Variants in GALNT1 observed in about 807,000 individuals in gnomAD.
GALNT1 encodes the protein GalNAc transferase 1.
Under a neutral mutation model 65.7 loss-of-function variants are expected in GALNT1, and 17 were observed. That is an observed-to-expected ratio of 0.26 (90% confidence interval 0.18 to 0.39). The LOEUF is 0.39. Ranked by LOEUF, GALNT1 falls within the 10% of genes least tolerant of loss-of-function variation. The probability of loss-of-function intolerance (pLI) is 1.00; values close to 1 mark genes in which losing one functional copy is unlikely to be tolerated. For synonymous variants in GALNT1, 210 were observed against 219.7 expected, an observed-to-expected ratio of 0.96 and a Z score of 0.39; for missense variants, 460 against 672.8, an observed-to-expected ratio of 0.68 and a Z score of 3.50.
At chr18:35,659,049 T>A (rs1598798018) in intron 2 of GALNT1, among the ~76,000 whole-genome samples, 1 of 152,206 alleles carries the variant, frequency 6.6e-6, no homozygotes, top group Non-Finnish European at 1.5e-5. Context: ...GCCTCCTGGA[T>A]CTTTGTTTTA....
intron 3 of GALNT1, among the ~76,000 whole-genome samples, chr18:35,666,779 A>G (rs2047554906): frequency 6.6e-6 from 1 of 152,182 alleles, no homozygotes; most frequent in Non-Finnish European, 1.5e-5. Context: ...AAGACTCTTC[A>G]GACTTGACGA....
At position 35,609,428 on chromosome 18, in the gene GALNT1, T is replaced by G. The variant is rs569777762; in HGVS notation, c.-104+27566T>G. ...TAGCTTGGCTTTTCAGACCTCATGTTTGAGATGGTGTTTGCTCTTGGATAA... is the reference window on the plus strand; with the variant it reads ...TAGCTTGGCTTTTCAGACCTCATGTGTGAGATGGTGTTTGCTCTTGGATAA... On this transcript the variant is annotated intron_variant, in intron 1 of 11. Coordinates refer to ENST00000269195, the MANE Select transcript of GALNT1 (RefSeq NM_020474.4). 2.0e-5 allele frequency among the ~76,000 whole-genome samples: 3 copies of G among 152,334 alleles called. No homozygotes were observed. In the East Asian group the frequency reaches 5.8e-4, roughly 29 times the overall value.
intron 8 of GALNT1, 100 bp downstream of exon 8, chr18:35,691,292 T>C: frequency 1.0e-6 from 1 of 971,124 alleles, no homozygotes. Context: ...TGAGCAGAGG[T>C]GAACACCTGC....
At chr18:35,610,940 C>T (rs188292877) in intron 1 of GALNT1, among the ~76,000 whole-genome samples, 11 of 152,188 alleles carry the variant, frequency 7.2e-5, no homozygotes, top group Admixed American at 2.0e-4. Context: ...GGACCTCAGC[C>T]ACATGCTTAG....
At chr18:35,633,791 C>T (rs34167390) in intron 1 of GALNT1, among the ~76,000 whole-genome samples, 2,409 of 152,196 alleles carry the variant, frequency 0.016, 31 homozygotes, top group African/African-American at 0.028. Flanking sequence ...AGAAATGTAA[C>T]AATAAAGCAT....
At position 35,648,870 on chromosome 18, in the gene GALNT1, A is replaced by G. The variant is rs543433955; in HGVS notation, c.-103-5690A>G. Among the ~76,000 whole-genome samples, 5 of 152,262 alleles carry G rather than the reference A, an allele frequency of 3.3e-5. No individual in the cohort carries two copies. The East Asian group carries it at 7.7e-4, about 23-fold the overall frequency. On this transcript the variant is annotated intron_variant, in intron 1 of 11. Coordinates refer to ENST00000269195, the MANE Select transcript of GALNT1 (RefSeq NM_020474.4). The stretch of plus-strand genomic sequence containing the variant: ...GGAATGTTTTCATTGCCACAGATTC[A>G]TTTATGGGCAATCCCCTATTCCTTT...
At chr18:35,666,856 G>T (rs1449537625) in intron 3 of GALNT1, among the ~76,000 whole-genome samples, 1 of 152,068 alleles carries the variant, frequency 6.6e-6, no homozygotes. Flanking sequence ...CTGTGGGACT[G>T]GGCTGCCTAG....
intron 1 of GALNT1, among the ~76,000 whole-genome samples, chr18:35,647,634 T>C (rs757541958): frequency 2.0e-5 from 3 of 152,130 alleles, no homozygotes; most frequent in African/African-American, 7.2e-5. Context: ...ATGTAATACC[T>C]CTGTCTGGTT....
At position 35,701,303 on chromosome 18, in the gene GALNT1, G is replaced by A. The variant is rs533206049; in HGVS notation, c.1300-1594G>A. On this transcript the variant is annotated intron_variant, in intron 9 of 11. Coordinates refer to ENST00000269195, the MANE Select transcript of GALNT1 (RefSeq NM_020474.4). ...TGCAAGTCTTGAACTCCTAGGCTCA[G>A]GCGATCCTACTGTCTTGGCCTCTTA... is the stretch of plus-strand genomic sequence containing the variant. Among the ~76,000 whole-genome samples the A allele has an allele frequency of 3.3e-5, 5 of 152,268 alleles. No individual in the cohort carries two copies. The East Asian group carries it at 7.7e-4, about 24-fold the overall frequency.
chr18:35,626,818 C>T (rs1348662434), intron 1 of GALNT1, among the ~76,000 whole-genome samples: 1 of 152,208 alleles, frequency 6.6e-6, no homozygotes, highest in Non-Finnish European at 1.5e-5. Context: ...TACACTACTT[C>T]TGTACTCTCC....
At position 35,710,097 on chromosome 18, in the gene GALNT1, C is replaced by T. The variant is rs367680923; in HGVS notation, c.*327C>T. The stretch of plus-strand genomic sequence containing the variant: ...AAATATGCTTTCTGGAGAACTGTAC[C>T]TTTTATGGTTTGCTTGCACATCAGT... On this transcript the variant is annotated 3_prime_UTR_variant, in exon 12 of 12. Coordinates refer to ENST00000269195, the MANE Select transcript of GALNT1 (RefSeq NM_020474.4). 4.9e-6 allele frequency: 1 copy of T among 206,002 alleles called. No homozygotes were observed. Among genetic ancestry groups the T allele is most frequent in the Non-Finnish European group, 9.9e-6 (1 of 100,824 alleles). The allele number at this position is 206,002 out of a possible 1,614,324, so 12.8% of individuals were successfully genotyped here. A position where few individuals can be genotyped will look rare whatever the true frequency, so the allele number is the denominator to read the frequency against.
At chr18:35,651,491 G>A (rs2047310847) in intron 1 of GALNT1, among the ~76,000 whole-genome samples, 1 of 152,136 alleles carries the variant, frequency 6.6e-6, no homozygotes, top group Non-Finnish European at 1.5e-5. Context: ...AATGAAGTCT[G>A]AAGACATTGT....
At chr18:35,592,363 C>T (rs1391901204) in intron 1 of GALNT1, among the ~76,000 whole-genome samples, 2 of 151,764 alleles carry the variant, frequency 1.3e-5, no homozygotes, top group African/African-American at 4.8e-5. Context: ...CAGCTGAGAC[C>T]CAGAGGTCAA....
intron 2 of GALNT1, among the ~76,000 whole-genome samples, chr18:35,656,792 A>G (rs1395367524): frequency 6.6e-6 from 1 of 152,148 alleles, no homozygotes; most frequent in Non-Finnish European, 1.5e-5. Context: ...GGACTGGAAG[A>G]GGACGAGGCA....
At chr18:35,599,074 A>T (rs922740273) in intron 1 of GALNT1, among the ~76,000 whole-genome samples, 21 of 131,472 alleles carry the variant, frequency 1.6e-4, no homozygotes, top group Non-Finnish European at 2.6e-4. Flanking sequence ...TTACAATTGG[A>T]TTATTTGTTG....
In GALNT1 at chr18:35,710,853, A is replaced by T. The variant is rs374539856; in HGVS notation, c.*1083A>T. The stretch of plus-strand genomic sequence containing the variant: ...ATTTATTATTTGGGTATTTGGAGAT[A>T]ATACATTTGATGGTTTTTTGGAAAA... On this transcript the variant is annotated 3_prime_UTR_variant, in exon 12 of 12. Transcript: ENST00000269195. 1 of 152,674 alleles carries T rather than the reference A, an allele frequency of 6.5e-6. No homozygotes were observed. Among genetic ancestry groups the T allele is most frequent in the South Asian group, 2.1e-4 (1 of 4,828 alleles). The allele number at this position is 152,674 out of a possible 1,614,324, so 9.5% of individuals were successfully genotyped here.
chr18:35,629,229 A>G (rs1189629434), intron 1 of GALNT1, among the ~76,000 whole-genome samples: 7 of 152,160 alleles, frequency 4.6e-5, no homozygotes, highest in Non-Finnish European at 8.8e-5. Flanking sequence ...CCACAAAGAT[A>G]CTCCTCCAGA....
intron 4 of GALNT1, among the ~76,000 whole-genome samples, chr18:35,680,531 T>C (rs2047771969): frequency 6.6e-6 from 1 of 152,212 alleles, no homozygotes. Context: ...AATTATATAA[T>C]GAATGGGTGA....
At chr18:35,670,845 A>G (rs1568028961) in intron 3 of GALNT1, among the ~76,000 whole-genome samples, 1 of 152,242 alleles carries the variant, frequency 6.6e-6, no homozygotes, top group African/African-American at 2.4e-5. Flanking sequence ...CGGTGGCACT[A>G]TGTGGCAGTA....
Sources: gnomAD v4.1 joint callset for allele counts (sites outside exome capture counted in the v4.1 genomes callset) on GRCh38, gnomAD v4.1.1 for gene constraint, MANE v1.5 for transcripts, NCBI Gene and HGNC (gene_info 2026-07-23, HGNC 2026-07-21) for gene names.